PIK3C2G: variants seen among roughly 807,000 people sequenced by gnomAD.
PIK3C2G encodes phosphatidylinositol-4-phosphate 3-kinase catalytic subunit type 2 gamma.
PIK3C2G carries 168 observed loss-of-function variants against 181.1 expected under a neutral mutation model. The observed-to-expected ratio is 0.93, with a 90% confidence interval of 0.82 to 1.05. The LOEUF (loss-of-function observed/expected upper bound fraction) is 1.05. Ranked by LOEUF, PIK3C2G falls within the 50% of genes least tolerant of loss-of-function variation. The pLI is 0.00. For synonymous variants in PIK3C2G, 573 were observed against 592.2 expected, an observed-to-expected ratio of 0.97 and a Z score of 0.47; for missense variants, 1,869 against 1,732.8, an observed-to-expected ratio of 1.08 and a Z score of -1.40.
intron 1 of PIK3C2G, among the ~76,000 whole-genome samples, chr12:18,274,670 G>C (rs1470210333): frequency 1.3e-5 from 2 of 152,254 alleles, no homozygotes; most frequent in Non-Finnish European, 2.9e-5. Flanking sequence ...GGGGCAGGGG[G>C]GAGGGATAGC....
chr12:18,380,392 G>A (rs900549363), intron 13 of PIK3C2G, among the ~76,000 whole-genome samples: 2 of 152,140 alleles, frequency 1.3e-5, no homozygotes, highest in African/African-American at 2.4e-5. Context: ...TCCAAGTTTG[G>A]CATTGGACAT....
chr12:18,613,748 G>A (rs1948459911), intron 31 of PIK3C2G, among the ~76,000 whole-genome samples: 1 of 151,956 alleles, frequency 6.6e-6, no homozygotes, highest in African/African-American at 2.4e-5. Context: ...CCTCTCTGGT[G>A]CAAATGGTTC....
chr12:18,721,472 T>C, the PIK3C2G span, among the ~76,000 whole-genome samples: 14 of 152,146 alleles, frequency 9.2e-5, no homozygotes, highest in South Asian at 1.2e-3. Context: ...CAGTATAATA[T>C]TGTAGTTAAA....
intron 5 of PIK3C2G, among the ~76,000 whole-genome samples, chr12:18,301,750 T>G (rs959298964): frequency 6.6e-6 from 1 of 152,204 alleles, no homozygotes; most frequent in Admixed American, 6.5e-5. Context: ...AGTTTTGTGT[T>G]CTCTTGAAGA....
intron 1 of PIK3C2G, among the ~76,000 whole-genome samples, chr12:18,279,915 T>C (rs1240187251): frequency 2.0e-5 from 3 of 152,076 alleles, no homozygotes; most frequent in Non-Finnish European, 4.4e-5. Context: ...ATATAAAGTA[T>C]AATAAATCTA....
chr12:18,273,581 TG>T (rs1236594071), intron 1 of PIK3C2G, among the ~76,000 whole-genome samples: 2 of 152,260 alleles, frequency 1.3e-5, no homozygotes, highest in East Asian at 3.9e-4. Context: ...TAAATGGTGC[TG>T]GGAAAACTGG....
intron 18 of PIK3C2G, among the ~76,000 whole-genome samples, chr12:18,476,050 C>T (rs981084347): frequency 1.3e-5 from 2 of 151,794 alleles, no homozygotes; most frequent in Non-Finnish European, 2.9e-5. Context: ...AGGAGAAAGA[C>T]GTTTTAAAAA....
chr12:18,277,410 A>C (rs1949029086), intron 1 of PIK3C2G, among the ~76,000 whole-genome samples: 1 of 152,120 alleles, frequency 6.6e-6, no homozygotes, highest in Non-Finnish European at 1.5e-5. Flanking sequence ...ATAGTTACAG[A>C]CTTCCTTTCC....
intron 18 of PIK3C2G, among the ~76,000 whole-genome samples, chr12:18,479,284 A>G (rs1027214942): frequency 1.3e-5 from 2 of 152,060 alleles, no homozygotes; most frequent in African/African-American, 2.4e-5. Context: ...AAGGTGGCAG[A>G]AGATAATTCC....
rs146084327 is a variant in PIK3C2G, at chr12:18,483,969, C to T, written c.2505-4480C>T. ...ATTCCAGGACTAAAGGAACAGCCTCCTACTGGGACATGCTGTTCTCCAGGA... is the reference window on the plus strand; with the variant it reads ...ATTCCAGGACTAAAGGAACAGCCTCTTACTGGGACATGCTGTTCTCCAGGA... On this transcript the variant is annotated intron_variant, in intron 18 of 32. Coordinates refer to ENST00000538779, the MANE Select transcript of PIK3C2G (RefSeq NM_001288772.2). Among the ~76,000 whole-genome samples, 1,111 of 152,208 alleles carry T rather than the reference C, an allele frequency of 7.3e-3. 5 individuals are homozygous for T. Among genetic ancestry groups the T allele is most frequent in the Non-Finnish European group, 0.011 (732 of 68,020 alleles).
intron 18 of PIK3C2G, among the ~76,000 whole-genome samples, chr12:18,440,326 T>C (rs187009552): frequency 1.3e-5 from 2 of 152,200 alleles, no homozygotes; most frequent in Admixed American, 1.3e-4. Context: ...TTCAGGGATA[T>C]AGCAATGAAT....
the PIK3C2G span, among the ~76,000 whole-genome samples, chr12:18,673,634 A>G: frequency 2.5e-4 from 38 of 152,202 alleles, no homozygotes; most frequent in Non-Finnish European, 4.1e-4. Context: ...CGCATTAATT[A>G]TCTCATAGTT....
the PIK3C2G span, among the ~76,000 whole-genome samples, chr12:18,700,228 T>A: frequency 2.3e-4 from 35 of 152,106 alleles, no homozygotes; most frequent in Admixed American, 1.0e-3. Flanking sequence ...GATCTCAGTG[T>A]ATTCCCATGA....
intron 13 of PIK3C2G, among the ~76,000 whole-genome samples, chr12:18,373,939 C>T (rs1271130333): frequency 2.0e-5 from 3 of 152,110 alleles, no homozygotes; most frequent in African/African-American, 7.2e-5. Flanking sequence ...GCTTCCACTC[C>T]ATCTGCATTT....
intron 30 of PIK3C2G, among the ~76,000 whole-genome samples, chr12:18,604,708 A>C (rs900963995): frequency 4.6e-5 from 7 of 152,228 alleles, no homozygotes; most frequent in African/African-American, 1.7e-4. Flanking sequence ...CTCAGACTAC[A>C]ATGGATTAAA....
chr12:18,373,930 C>A (rs2137898663), intron 13 of PIK3C2G, among the ~76,000 whole-genome samples: 1 of 152,184 alleles, frequency 6.6e-6, no homozygotes, highest in East Asian at 1.9e-4. Context: ...GCAGACAAGG[C>A]TTCCACTCCA....
chr12:18,476,498 A>G (rs75045438), intron 18 of PIK3C2G, among the ~76,000 whole-genome samples: 2,185 of 152,272 alleles, frequency 0.014, 27 homozygotes, highest in Non-Finnish European at 0.023. Context: ...GACTAAGTAA[A>G]AAAGGAAGAG....
At chr12:18,277,587 T>C (rs766462114) in intron 1 of PIK3C2G, among the ~76,000 whole-genome samples, 2 of 152,198 alleles carry the variant, frequency 1.3e-5, no homozygotes, top group African/African-American at 2.4e-5. Context: ...TCCCATAATT[T>C]ATTTCTTCCA....
At chr12:18,399,188 C>T (rs1592158350) in intron 15 of PIK3C2G, among the ~76,000 whole-genome samples, 2 of 111,952 alleles carry the variant, frequency 1.8e-5, no homozygotes, top group South Asian at 5.1e-4. Context: ...GAGCGAGACT[C>T]CGTCTCAAAA....
Sources: gnomAD v4.1 joint callset for allele counts (sites outside exome capture counted in the v4.1 genomes callset) on GRCh38, gnomAD v4.1.1 for gene constraint, MANE v1.5 for transcripts, NCBI Gene and HGNC (gene_info 2026-07-23, HGNC 2026-07-21) for gene names.